PID1: variants seen among roughly 807,000 people sequenced by gnomAD.
PID1 encodes PTB-containing, cubilin and LRP1-interacting protein.
Under a neutral mutation model 19.1 loss-of-function variants are expected in PID1, and 10 were observed. The ratio of observed to expected loss-of-function variants is 0.52; its 90% confidence interval spans 0.32 to 0.89. The LOEUF (loss-of-function observed/expected upper bound fraction) is 0.89, where lower values mean the gene tolerates loss of function less well. PID1 is among the 40% of genes least tolerant of loss of function. The probability of loss-of-function intolerance (pLI) is 0.03; values close to 1 mark genes in which losing one functional copy is unlikely to be tolerated. For missense variants in PID1, 248 were observed against 285.3 expected, an observed-to-expected ratio of 0.87 and a Z score of 0.94; for synonymous variants, 130 against 116.0, an observed-to-expected ratio of 1.12 and a Z score of -0.78.
At chr2:229,096,849 G>C (rs1383035109) in intron 2 of PID1, among the ~76,000 whole-genome samples, 1 of 152,108 alleles carries the variant, frequency 6.6e-6, no homozygotes, top group Non-Finnish European at 1.5e-5. Flanking sequence ...TAACCCCACA[G>C]TTGGATCTCA....
chr2:229,053,374 G>A (rs569068614), intron 2 of PID1, among the ~76,000 whole-genome samples: 19 of 152,274 alleles, frequency 1.2e-4, no homozygotes, highest in East Asian at 7.7e-4. Context: ...TTGTTTATTC[G>A]AAAGCAAACA....
At chr2:229,040,411 T>G (rs1337788667) in intron 2 of PID1, among the ~76,000 whole-genome samples, 1 of 152,156 alleles carries the variant, frequency 6.6e-6, no homozygotes, top group Non-Finnish European at 1.5e-5. Flanking sequence ...TATATATTTG[T>G]TTGTGAAAAA....
intron 2 of PID1, among the ~76,000 whole-genome samples, chr2:229,051,107 T>C (rs189131082): frequency 7.8e-4 from 119 of 152,276 alleles, no homozygotes; most frequent in Admixed American, 2.4e-3. Flanking sequence ...CTGGGCTCTG[T>C]AGGAATTCTA....
chr2:229,109,354 A>G (rs1233314083), intron 2 of PID1, among the ~76,000 whole-genome samples: 4 of 152,204 alleles, frequency 2.6e-5, no homozygotes, highest in Non-Finnish European at 5.9e-5. Context: ...GTCAAAAAAA[A>G]AGCATGAAAT....
chr2:229,065,036 A>G (rs1285096023), intron 2 of PID1, among the ~76,000 whole-genome samples: 1 of 152,144 alleles, frequency 6.6e-6, no homozygotes, highest in Admixed American at 6.6e-5. Context: ...CCAGATGCCA[A>G]TCACTGGCCC....
At chr2:229,059,567 A>G (rs1205376726) in intron 2 of PID1, among the ~76,000 whole-genome samples, 2 of 152,168 alleles carry the variant, frequency 1.3e-5, no homozygotes, top group African/African-American at 2.4e-5. Flanking sequence ...CTTGAACCCA[A>G]AATTTTCTGA....
intron 2 of PID1, among the ~76,000 whole-genome samples, chr2:229,153,375 A>C (rs950783623): frequency 6.6e-6 from 1 of 152,218 alleles, no homozygotes; most frequent in African/African-American, 2.4e-5. Context: ...GGTCATGATT[A>C]TCTATGCCTG....
chr2:229,112,733 C>T (rs940995687), intron 2 of PID1, among the ~76,000 whole-genome samples: 5 of 152,154 alleles, frequency 3.3e-5, no homozygotes, highest in Non-Finnish European at 7.3e-5. Flanking sequence ...AATCCGCCTG[C>T]CTTGGCCTCC....
chr2:229,123,487 T>C (rs1161950570), intron 2 of PID1, among the ~76,000 whole-genome samples: 5 of 152,370 alleles, frequency 3.3e-5, no homozygotes, highest in Middle Eastern at 3.4e-3. Context: ...TATGAACATT[T>C]GTGCATGTTT....
At chr2:229,221,989 C>T (rs941087754) in intron 1 of PID1, among the ~76,000 whole-genome samples, 1 of 152,216 alleles carries the variant, frequency 6.6e-6, no homozygotes, top group African/African-American at 2.4e-5. Flanking sequence ...TTGAGGTTCT[C>T]ACTTCCTGCC....
chr2:229,266,520 C>T (rs1690595356), intron 1 of PID1, among the ~76,000 whole-genome samples: 1 of 152,180 alleles, frequency 6.6e-6, no homozygotes, highest in Non-Finnish European at 1.5e-5. Flanking sequence ...TCTGAGCCCA[C>T]AAAACAGTCA....
intron 1 of PID1, among the ~76,000 whole-genome samples, chr2:229,200,237 A>G (rs1042088578): frequency 6.6e-6 from 1 of 152,030 alleles, no homozygotes; most frequent in African/African-American, 2.4e-5. Context: ...CATTAATACT[A>G]GAATTCCTTC....
chr2:229,172,269 C>T (rs1690725723), intron 1 of PID1, among the ~76,000 whole-genome samples: 1 of 152,158 alleles, frequency 6.6e-6, no homozygotes, highest in South Asian at 2.1e-4. Flanking sequence ...AATGCACAGG[C>T]AAGTTTGAAA....
chr2:229,207,089 T>G (rs1262254339), intron 1 of PID1, among the ~76,000 whole-genome samples: 1 of 151,762 alleles, frequency 6.6e-6, no homozygotes, highest in African/African-American at 2.4e-5. Context: ...AGCCTCCTCT[T>G]CTGTTCAATT....
At chr2:229,148,743 GGAGGGAAA>G (rs1230094216) in intron 2 of PID1, among the ~76,000 whole-genome samples, 7 of 151,082 alleles carry the variant, frequency 4.6e-5, no homozygotes, top group Admixed American at 2.6e-4. Flanking sequence ...AGGAAAGGAG[GGAGGGAAA>G]GAGGGAGAGA....
chr2:229,073,861 A>T (rs1306447102), intron 2 of PID1, among the ~76,000 whole-genome samples: 1 of 152,222 alleles, frequency 6.6e-6, no homozygotes, highest in Non-Finnish European at 1.5e-5. Context: ...TTTCTATTAA[A>T]ATGAACTTTA....
intron 1 of PID1, among the ~76,000 whole-genome samples, chr2:229,258,552 A>G (rs757445222): frequency 2.0e-5 from 3 of 152,188 alleles, no homozygotes; most frequent in Non-Finnish European, 4.4e-5. Context: ...TCACATACAC[A>G]TTTTTAACAG....
chr2:229,071,992 T>C (rs1694464035), intron 2 of PID1, among the ~76,000 whole-genome samples: 1 of 152,216 alleles, frequency 6.6e-6, no homozygotes, highest in African/African-American at 2.4e-5. Context: ...TATTCCCAAA[T>C]GGCCCTGTGT....
intron 1 of PID1, among the ~76,000 whole-genome samples, chr2:229,235,600 T>C (rs1413834685): frequency 2.0e-5 from 3 of 152,204 alleles, no homozygotes; most frequent in Non-Finnish European, 4.4e-5. Flanking sequence ...CTTGAAATAG[T>C]CACTGGAACG....
Sources: allele counts gnomAD v4.1 joint callset (sites outside exome capture counted in the v4.1 genomes callset), GRCh38; gene constraint gnomAD v4.1.1; transcripts MANE v1.5; gene names NCBI Gene and HGNC (gene_info 2026-07-23, HGNC 2026-07-21).